Variants in RGS12 observed in about 807,000 individuals in gnomAD.
RGS12 encodes the protein regulator of G-protein signaling 12.
Under a neutral mutation model 120.1 loss-of-function variants are expected in RGS12, and 66 were observed. That is an observed-to-expected ratio of 0.55 (90% CI 0.45 to 0.67). The LOEUF is 0.67. RGS12 is among the 30% of genes least tolerant of loss of function. RGS12 has a pLI of 0.00. For missense variants in RGS12, 1,859 were observed against 1,957.7 expected (o/e 0.95, Z 0.95); for synonymous variants, 827 against 804.7 (o/e 1.03, Z -0.47).
intron 4 of RGS12, among the ~76,000 whole-genome samples, chr4:3,404,693 G>A (rs1357553288): frequency 6.6e-6 from 1 of 152,246 alleles, no homozygotes; most frequent in Non-Finnish European, 1.5e-5. Context: ...TGGAGAGATA[G>A]ACATAGCAGT....
Position 3,430,535 on chromosome 4 carries a change from C to T in RGS12, c.3694C>T (p.Pro1232Ser). 2 of 1,613,414 alleles carry T rather than the reference C, an allele frequency of 1.2e-6. No homozygotes were observed. Among genetic ancestry groups the T allele is most frequent in the Non-Finnish European group, 1.7e-6 (2 of 1,180,024 alleles). The change falls in exon 17 of 18, where the codon CCC becomes TCC. Residue 1232 changes from proline (P) to serine (S), a missense_variant. Physicochemically the swap from Pro to Ser is moderately conservative, Grantham distance 74. Around this residue, in one of 3 missense-constraint regions of RGS12, gnomAD observed 517 missense variants for 488.5 expected, o/e 1.06. Transcript: ENST00000336727. ...LPPGSTELTL[P>S]TPAAVAKGFS... The stretch of plus-strand genomic sequence containing the variant: ...TCCTGGTTCCACAGAACTCACCCTC[C>T]CCACTCCAGCTGCTGTGGCCAAGGG...
intron 2 of RGS12, among the ~76,000 whole-genome samples, chr4:3,334,083 C>T (rs1033785650): frequency 7.9e-5 from 12 of 152,082 alleles, no homozygotes; most frequent in Admixed American, 6.5e-4. Context: ...AATGCTTCAA[C>T]CTGAGGAAGC....
Position 3,430,615 on chromosome 4 carries a change from C to G in RGS12, c.3774C>G (p.Gly1258=), listed in dbSNP as rs764847734. The change falls in exon 17 of 18, where the codon GGC becomes GGG. Residue 1258 remains glycine (G), a synonymous_variant. Coordinates refer to ENST00000336727, the MANE Select transcript of RGS12 (RefSeq NM_001394154.1). Reference sequence around the variant, plus strand: ...GCCGGGAGAGCGCCTCCCAGCCTGGCGAGCAGTGGGAGCCAGTCCAGGAGA... The same window carrying G: ...GCCGGGAGAGCGCCTCCCAGCCTGGGGAGCAGTGGGAGCCAGTCCAGGAGA... ...GNGRESASQP[G]EQWEPVQESS... The G allele has an allele frequency of 7.5e-6, 12 of 1,610,412 alleles. No individual in the cohort carries two copies. Among genetic ancestry groups the G allele is most frequent in the Non-Finnish European group, 1.0e-5 (12 of 1,178,910 alleles).
Position 3,340,914 on chromosome 4 carries a change from T to C in RGS12, c.1882-2023T>C, listed in dbSNP as rs1295577921. ...TGTGGCGCCTCAGCTTGGAGTGTGC[T>C]TGACACCTGTGTTGGCCGGTCCATC... On this transcript the variant is annotated intron_variant, in intron 2 of 17. Transcript: ENST00000336727. Among the ~76,000 whole-genome samples, 4 of 152,114 alleles carry C rather than the reference T, an allele frequency of 2.6e-5. No homozygotes were observed. The East Asian group carries it at 5.8e-4, about 22-fold the overall frequency.
intron 4 of RGS12, among the ~76,000 whole-genome samples, chr4:3,397,495 C>T (rs994631959): frequency 2.0e-5 from 3 of 152,170 alleles, no homozygotes; most frequent in Non-Finnish European, 4.4e-5. Flanking sequence ...GTCGTGTGTG[C>T]ACATGTCCAT....
At chr4:3,363,867 G>A (rs986866660) in intron 3 of RGS12, among the ~76,000 whole-genome samples, 1 of 152,244 alleles carries the variant, frequency 6.6e-6, no homozygotes, top group African/African-American at 2.4e-5. Flanking sequence ...GGCCTGGAGG[G>A]CTGGGAGGTA....
intron 3 of RGS12, among the ~76,000 whole-genome samples, chr4:3,376,724 C>G (rs1288119351): frequency 6.6e-6 from 1 of 152,236 alleles, no homozygotes; most frequent in Non-Finnish European, 1.5e-5. Flanking sequence ...AGGGTCATGG[C>G]TGGGTCTGAA....
chr4:3,333,276 C>G (rs1383073161), intron 2 of RGS12, among the ~76,000 whole-genome samples: 2 of 152,278 alleles, frequency 1.3e-5, no homozygotes, highest in East Asian at 1.9e-4. Context: ...GTCTCGATCT[C>G]CTGACCTCGT....
intron 17 of RGS12, among the ~76,000 whole-genome samples, chr4:3,434,421 G>A (rs1056146427): frequency 2.6e-5 from 4 of 152,152 alleles, no homozygotes; most frequent in South Asian, 4.1e-4. Context: ...ACCCATGTGC[G>A]TGCATGCCTG....
In RGS12 at chr4:3,417,518, G is replaced by A. The variant is rs1722541930; in HGVS notation, c.2738G>A (p.Arg913Lys). The A allele has an allele frequency of 1.9e-6, 3 of 1,612,990 alleles. No individual in the cohort carries two copies. Among genetic ancestry groups the A allele is most frequent in the Non-Finnish European group, 2.5e-6 (3 of 1,179,982 alleles). The change falls in exon 9 of 18, where the codon AGG becomes AAG. Residue 913 changes from arginine (R) to lysine (K), a missense_variant. Physicochemically the swap from Arg to Lys is conservative, Grantham distance 26. Around this residue, in one of 3 missense-constraint regions of RGS12, gnomAD observed 375 missense variants for 475.0 expected, o/e 0.79. Transcript: ENST00000336727. ...AGCACCGGGAGGTCCCAGAAAAAGA[G>A]GGAGCACGGGGACCACGCAGACGGT... Reference protein sequence around the residue: ...TRSTGRSQKKREHGDHADDAL... With the variant: ...TRSTGRSQKKKEHGDHADDAL...
chr4:3,294,909 A>G (rs190375472), intron 1 of RGS12, among the ~76,000 whole-genome samples: 1 of 152,098 alleles, frequency 6.6e-6, no homozygotes, highest in Non-Finnish European at 1.5e-5. Flanking sequence ...CTGGAGGTAC[A>G]GTACTGACCT....
At chr4:3,425,397 G>T in intron 13 of RGS12, 67 bp from the exon 14 acceptor site, 1 of 1,389,934 alleles carries the variant, frequency 7.2e-7, no homozygotes. Flanking sequence ...AGTCGGGTGG[G>T]ATCACACACA....
intron 1 of RGS12, among the ~76,000 whole-genome samples, chr4:3,315,521 A>G (rs75844859): frequency 0.04 from 6,117 of 152,288 alleles, 315 homozygotes; most frequent in African/African-American, 0.12. Context: ...TGGGAGGGTC[A>G]TGGAATATTA....
chr4:3,434,729 T>C (rs1005492031), intron 17 of RGS12, among the ~76,000 whole-genome samples: 1 of 152,218 alleles, frequency 6.6e-6, no homozygotes, highest in African/African-American at 2.4e-5. Context: ...GTACGCGCCA[T>C]CTTAAAACGG....
chr4:3,345,128 A>T (rs954869830), intron 3 of RGS12, among the ~76,000 whole-genome samples: 9 of 152,236 alleles, frequency 5.9e-5, no homozygotes, highest in Non-Finnish European at 1.3e-4. Flanking sequence ...GGATCACAGG[A>T]TTGTTTTGAG....
Position 3,390,405 on chromosome 4 carries a change from G to T in RGS12, c.2020+3968G>T, listed in dbSNP as rs1416909801. Among the ~76,000 whole-genome samples, 4 of 152,234 alleles carry T rather than the reference G, an allele frequency of 2.6e-5. No homozygotes were observed. The highest frequency in any genetic ancestry group is 9.6e-5 in the African/African-American group (4 of 41,474). Reference sequence around the variant, plus strand: ...AGCTGTCTGTTGAGTGAATGATCGGGTGTTCAGCAGACATCAGCCAGAGCG... The same window carrying T: ...AGCTGTCTGTTGAGTGAATGATCGGTTGTTCAGCAGACATCAGCCAGAGCG... On this transcript the variant is annotated intron_variant, in intron 4 of 17. Coordinates refer to ENST00000336727, the MANE Select transcript of RGS12 (RefSeq NM_001394154.1). This position sits in a 1 kb window ranked among gnomAD's most constrained non-coding sequence, Gnocchi z 4.6.
At chr4:3,345,397 TC>T (rs1713697282) in intron 3 of RGS12, among the ~76,000 whole-genome samples, 1 of 152,204 alleles carries the variant, frequency 6.6e-6, no homozygotes, top group Non-Finnish European at 1.5e-5. Context: ...CTTTCACATT[TC>T]CCCCTTTTAA....
At chr4:3,417,677 C>T (rs1392930483) in intron 9 of RGS12, 136 bp downstream of exon 9, 1 of 877,504 alleles carries the variant, frequency 1.1e-6, no homozygotes, top group South Asian at 1.7e-5. Flanking sequence ...GAGGAAGCTT[C>T]TCTGAATGAA....
rs1048179657 is a variant in RGS12, at chr4:3,337,787, C to T, written c.1882-5150C>T. Among the ~76,000 whole-genome samples, 3 of 152,170 alleles carry T rather than the reference C, an allele frequency of 2.0e-5. No individual in the cohort carries two copies. The East Asian group carries it at 5.8e-4, about 29-fold the overall frequency. On this transcript the variant is annotated intron_variant, in intron 2 of 17. Transcript: ENST00000336727. Reference sequence around the variant, plus strand: ...CGGTGGTGATGCTTGCATAACAGTACGAACACACCTAATGCTACTGAGCCA... The same window carrying T: ...CGGTGGTGATGCTTGCATAACAGTATGAACACACCTAATGCTACTGAGCCA...
Sources: allele counts gnomAD v4.1 joint callset (sites outside exome capture counted in the v4.1 genomes callset), GRCh38; gene constraint gnomAD v4.1.1; regional missense constraint gnomAD v4.1.1; non-coding constraint Gnocchi (gnomAD v3.1); transcripts MANE v1.5; gene names NCBI Gene and HGNC (gene_info 2026-07-23, HGNC 2026-07-21).